The following AOPEP variants were observed in gnomAD, a reference collection of about 807,000 sequenced individuals.
AOPEP encodes the protein aminopeptidase O.
AOPEP carries 77 observed loss-of-function variants against 98.1 expected under a neutral mutation model. That is an observed-to-expected ratio of 0.78 (90% confidence interval 0.65 to 0.95). AOPEP has a LOEUF of 0.95. AOPEP is among the 40% of genes least tolerant of loss of function. AOPEP has a pLI of 0.00. For synonymous variants in AOPEP, 346 were observed against 365.3 expected, an observed-to-expected ratio of 0.95 and a Z score of 0.60; for missense variants, 1,024 against 1,024.7, an observed-to-expected ratio of 1.00 and a Z score of 0.01.
At chr9:95,147,284 G>A in the AOPEP span, among the ~76,000 whole-genome samples, 17 of 152,124 alleles carry the variant, frequency 1.1e-4, no homozygotes, top group African/African-American at 3.6e-4. Flanking sequence ...TTGGGAGGCC[G>A]AGGTGGGTGG....
the AOPEP span, among the ~76,000 whole-genome samples, chr9:95,092,813 C>T: frequency 7.2e-5 from 11 of 152,110 alleles, no homozygotes; most frequent in African/African-American, 2.4e-4. Flanking sequence ...CGTTTCCTGA[C>T]GACTGGATCG....
chr9:95,092,373 G>T, the AOPEP span, among the ~76,000 whole-genome samples: 2 of 152,058 alleles, frequency 1.3e-5, no homozygotes, highest in African/African-American at 4.8e-5. Flanking sequence ...GGCAGTCGCT[G>T]AGTGGGGCCT....
chr9:95,116,210 CCT>C, the AOPEP span, among the ~76,000 whole-genome samples: 52 of 152,340 alleles, frequency 3.4e-4, no homozygotes, highest in East Asian at 9.6e-4. Context: ...CTCAGCGTCC[CCT>C]GTTGGCTGAC....
chr9:95,078,425 A>G (rs2069325724), intron 14 of AOPEP, among the ~76,000 whole-genome samples: 1 of 152,246 alleles, frequency 6.6e-6, no homozygotes, highest in Non-Finnish European at 1.5e-5. Flanking sequence ...CAAGTTTTAG[A>G]GTGACAGCAG....
At chr9:95,003,008 G>A (rs2061662623) in intron 11 of AOPEP, among the ~76,000 whole-genome samples, 1 of 152,172 alleles carries the variant, frequency 6.6e-6, no homozygotes, top group Non-Finnish European at 1.5e-5. Flanking sequence ...AGCTCATGCC[G>A]GAAACCGTTA....
At chr9:94,831,717 T>G (rs1176500577) in intron 5 of AOPEP, among the ~76,000 whole-genome samples, 1 of 152,036 alleles carries the variant, frequency 6.6e-6, no homozygotes, top group Non-Finnish European at 1.5e-5. Context: ...GTTTGTGTCT[T>G]CTCTGATTTC....
At chr9:94,933,109 AG>A in intron 7 of AOPEP, 1 of 985,700 alleles carries the variant, frequency 1.0e-6, no homozygotes, top group Non-Finnish European at 1.2e-6. Context: ...GTCTGATTTC[AG>A]TGTTCCTTTC....
At chr9:94,760,679 G>A (rs909486196) in intron 2 of AOPEP, 99 bp downstream of exon 2, 32 of 986,112 alleles carry the variant, frequency 3.2e-5, no homozygotes, top group Non-Finnish European at 4.5e-5. Context: ...ATGCTCCTGT[G>A]TCTTCTGTGA....
At chr9:94,776,819 CTAT>C (rs1461385604) in intron 3 of AOPEP, among the ~76,000 whole-genome samples, 3 of 151,770 alleles carry the variant, frequency 2.0e-5, no homozygotes, top group Non-Finnish European at 4.4e-5. Flanking sequence ...CTAGGAATTA[CTAT>C]TATTGTATTT....
intron 6 of AOPEP, among the ~76,000 whole-genome samples, chr9:94,925,592 G>GTCA (rs140934908): frequency 0.017 from 2,631 of 152,170 alleles, 80 homozygotes; most frequent in African/African-American, 0.061. Flanking sequence ...CTTCTACTGT[G>GTCA]TCATTTCCTT....
At chr9:94,949,194 A>G (rs2057918101) in intron 7 of AOPEP, among the ~76,000 whole-genome samples, 3 of 152,196 alleles carry the variant, frequency 2.0e-5, no homozygotes, top group Non-Finnish European at 4.4e-5. Flanking sequence ...TTTGCTTCTC[A>G]GAGGAATTTC....
the AOPEP span, chr9:95,107,216 G>A: frequency 1.2e-6 from 2 of 1,614,190 alleles, no homozygotes; most frequent in Non-Finnish European, 1.7e-6. Context: ...GGGCTGAGAG[G>A]CTGCTGCTTC....
intron 5 of AOPEP, among the ~76,000 whole-genome samples, chr9:94,906,196 CA>C (rs1442282253): frequency 6.6e-6 from 1 of 151,262 alleles, no homozygotes; most frequent in East Asian, 1.9e-4. Flanking sequence ...CAGTAGCTCA[CA>C]CCTGTAATTC....
At chr9:94,911,613 A>G (rs1194637537) in intron 5 of AOPEP, among the ~76,000 whole-genome samples, 1 of 152,226 alleles carries the variant, frequency 6.6e-6, no homozygotes, top group Non-Finnish European at 1.5e-5. Flanking sequence ...TTTCACTTGC[A>G]ATAGAAATGT....
the AOPEP span, among the ~76,000 whole-genome samples, chr9:95,147,367 T>C: frequency 2.6e-5 from 4 of 152,036 alleles, no homozygotes; most frequent in East Asian, 7.7e-4. Context: ...AAACACAAAA[T>C]TAGCTGGGCG....
intron 1 of AOPEP, among the ~76,000 whole-genome samples, chr9:94,752,096 C>T (rs1046069719): frequency 3.3e-5 from 5 of 151,928 alleles, no homozygotes; most frequent in Non-Finnish European, 7.4e-5. Context: ...CTATGTTACC[C>T]GGGCTTGTCT....
At chr9:95,119,014 C>T in the AOPEP span, among the ~76,000 whole-genome samples, 3 of 152,172 alleles carry the variant, frequency 2.0e-5, no homozygotes, top group East Asian at 1.9e-4. Flanking sequence ...TACCATCTTA[C>T]GCCCACCAGC....
At chr9:94,944,211 CATAGAGTGACCAT>C (rs1281093091) in intron 7 of AOPEP, among the ~76,000 whole-genome samples, 1 of 152,140 alleles carries the variant, frequency 6.6e-6, no homozygotes, top group Non-Finnish European at 1.5e-5. Flanking sequence ...AAAGCTTAAG[CATAGAGTGACCAT>C]ATAACCCTGC....
intron 1 of AOPEP, among the ~76,000 whole-genome samples, chr9:94,743,182 GA>G (rs1301241156): frequency 2.4e-4 from 28 of 116,410 alleles, no homozygotes; most frequent in African/African-American, 1.0e-3. Context: ...AGAAGAAGAA[GA>G]AGAAGAAGAA....
Sources: gnomAD v4.1 joint callset for allele counts (sites outside exome capture counted in the v4.1 genomes callset) on GRCh38, gnomAD v4.1.1 for gene constraint, MANE v1.5 for transcripts, NCBI Gene and HGNC (gene_info 2026-07-23, HGNC 2026-07-21) for gene names.